PPP1R21: variants seen among roughly 807,000 people sequenced by gnomAD.
The protein encoded by PPP1R21 is protein phosphatase 1 regulatory subunit 21.
Under a neutral mutation model 112.8 loss-of-function variants are expected in PPP1R21, and 85 were observed. The observed-to-expected ratio is 0.75, with a 90% CI of 0.63 to 0.90. PPP1R21 has a LOEUF of 0.90. PPP1R21 is among the 40% of genes least tolerant of loss of function. The pLI is 0.00. For missense variants in PPP1R21, 1,199 were observed against 901.5 expected, an observed-to-expected ratio of 1.33 and a Z score of -4.23; for synonymous variants, 381 against 322.3, an observed-to-expected ratio of 1.18 and a Z score of -1.95.
intron 9 of PPP1R21, among the ~76,000 whole-genome samples, chr2:48,469,074 C>T (rs548418118): frequency 2.0e-5 from 3 of 151,458 alleles, no homozygotes; most frequent in African/African-American, 7.3e-5. Context: ...AAAGTGGAAA[C>T]CCCTGATAAA....
intron 15 of PPP1R21, among the ~76,000 whole-genome samples, chr2:48,494,371 C>A (rs537140734): frequency 6.6e-6 from 1 of 151,134 alleles, no homozygotes; most frequent in Non-Finnish European, 1.5e-5. Context: ...CTTACATTAG[C>A]CTACACTTGG....
At chr2:48,468,687 T>C (rs1668314183) in intron 9 of PPP1R21, among the ~76,000 whole-genome samples, 2 of 151,966 alleles carry the variant, frequency 1.3e-5, no homozygotes, top group Non-Finnish European at 2.9e-5. Context: ...TGGTGGCTTG[T>C]ACCTGTAGTC....
At chr2:48,445,787 G>T (rs1419458559) in intron 1 of PPP1R21, among the ~76,000 whole-genome samples, 1 of 151,942 alleles carries the variant, frequency 6.6e-6, no homozygotes. Flanking sequence ...AGTAACCCTA[G>T]CTACTGCTGC....
chr2:48,465,768 GT>G, intron 9 of PPP1R21, 126 bp downstream of exon 9: 2 of 697,188 alleles, frequency 2.9e-6, no homozygotes, highest in Non-Finnish European at 4.4e-6. Flanking sequence ...AAAAAGCATA[GT>G]TTTTACTCTC....
At chr2:48,443,873 G>T (rs967548020) in intron 1 of PPP1R21, among the ~76,000 whole-genome samples, 3 of 152,094 alleles carry the variant, frequency 2.0e-5, no homozygotes, top group Non-Finnish European at 2.9e-5. Flanking sequence ...AGGATACAAA[G>T]GAAAAAGGTG....
intron 13 of PPP1R21, among the ~76,000 whole-genome samples, chr2:48,480,791 G>A (rs898131041): frequency 6.6e-6 from 1 of 152,150 alleles, no homozygotes; most frequent in African/African-American, 2.4e-5. Context: ...TTAACAATTA[G>A]TGACCAATTA....
intron 1 of PPP1R21, among the ~76,000 whole-genome samples, chr2:48,443,157 T>G (rs1354274959): frequency 6.6e-6 from 1 of 152,160 alleles, no homozygotes; most frequent in East Asian, 1.9e-4. Flanking sequence ...TAACCAAACA[T>G]ACAAGGCACT....
In PPP1R21 at chr2:48,505,200, A is replaced by T. The variant is rs539843771; in HGVS notation, c.1936-364A>T. On this transcript the variant is annotated intron_variant, in intron 17 of 21. Coordinates refer to ENST00000294952, the MANE Select transcript of PPP1R21 (RefSeq NM_001135629.3). ...AATGTTTAATTATTATGGTCACCGT[A>T]AAAACGTCTTTACCCCTTCTTGGCT... Among the ~76,000 whole-genome samples, 3 of 152,246 alleles carry T rather than the reference A, an allele frequency of 2.0e-5. No individual in the cohort carries two copies. The South Asian group carries it at 6.2e-4, about 31-fold the overall frequency.
intron 1 of PPP1R21, among the ~76,000 whole-genome samples, chr2:48,448,929 A>G (rs531703274): frequency 1.3e-5 from 2 of 152,262 alleles, no homozygotes; most frequent in Non-Finnish European, 2.9e-5. Context: ...ATGAATGAGT[A>G]TGGCTATGTT....
At chr2:48,479,822 AT>A in intron 12 of PPP1R21, 101 bp from the exon 13 acceptor site, 1 of 784,214 alleles carries the variant, frequency 1.3e-6, no homozygotes, top group Non-Finnish European at 2.3e-6. Flanking sequence ...TTTCTAGCAC[AT>A]TACAACCAAT....
chr2:48,477,667 CT>C (rs545161997), intron 12 of PPP1R21, among the ~76,000 whole-genome samples: 2,504 of 139,672 alleles, frequency 0.018, 53 homozygotes, highest in African/African-American at 0.058. Flanking sequence ...AGCCCTCCTA[CT>C]TTTTTTTTTT....
At chr2:48,482,690 C>G (rs1242068453) in intron 13 of PPP1R21, among the ~76,000 whole-genome samples, 1 of 143,250 alleles carries the variant, frequency 7.0e-6, no homozygotes, top group Non-Finnish European at 1.5e-5. Flanking sequence ...TCTAAAGTGA[C>G]TATAGTCTGT....
intron 19 of PPP1R21, among the ~76,000 whole-genome samples, 184 bp downstream of exon 19, chr2:48,507,569 G>C (rs1188315645): frequency 6.6e-6 from 1 of 151,834 alleles, no homozygotes; most frequent in African/African-American, 2.4e-5. Flanking sequence ...GGGTTTCACC[G>C]TGTTAGCCAG....
chr2:48,474,682 G>A lies in PPP1R21; in HGVS notation c.1089-1G>A. The A allele has an allele frequency of 6.2e-7, 1 of 1,602,588 alleles. No homozygotes were observed. Among genetic ancestry groups the A allele is most frequent in the South Asian group, 1.1e-5 (1 of 88,772 alleles). ...CTTCTTAAAAATCTGCCTATTCCTA[G>A]TTTAGAAGAAGAATGTGAATCCTCT... is the stretch of plus-strand genomic sequence containing the variant. On this transcript the variant is annotated splice_acceptor_variant, in intron 11 of 21. Transcript: ENST00000294952. LOFTEE classifies it high-confidence loss of function.
chr2:48,470,977 C>T (rs1668471971), intron 9 of PPP1R21, 110 bp from the exon 10 acceptor site: 1 of 725,404 alleles, frequency 1.4e-6, no homozygotes, highest in South Asian at 1.9e-5. Flanking sequence ...TGCAGTGAGC[C>T]ATTATCAGGT....
At chr2:48,459,627 T>C in intron 4 of PPP1R21, 127 bp from the exon 5 acceptor site, 4 of 944,280 alleles carry the variant, frequency 4.2e-6, no homozygotes, top group Non-Finnish European at 6.2e-6. Context: ...ATAATGCCTG[T>C]GTGGGTTTAA....
rs193203214 is a variant in PPP1R21, at chr2:48,480,035, C to A, written c.1318+19C>A. ...ATGAAAGGTAGGCCTTGAAAAAGAA[C>A]GTAAGCTTAAAACCTTTGCCCCACT... On this transcript the variant is annotated intron_variant, in intron 13 of 21. Transcript: ENST00000294952. The A allele has an allele frequency of 1.3e-6, 2 of 1,532,460 alleles. No homozygotes were observed. Among genetic ancestry groups the A allele is most frequent in the Non-Finnish European group, 1.8e-6 (2 of 1,105,478 alleles). 94.9% of individuals were successfully genotyped at this position (1,532,460 alleles called of 1,614,324 possible). A position where few individuals can be genotyped will look rare whatever the true frequency, so the allele number is the denominator to read the frequency against.
chr2:48,502,483 A>G (rs1419861663), intron 17 of PPP1R21, among the ~76,000 whole-genome samples: 2 of 151,968 alleles, frequency 1.3e-5, no homozygotes, highest in East Asian at 3.9e-4. Flanking sequence ...AAGTGACCTT[A>G]AGGGAACTAA....
At chr2:48,459,640 T>C in intron 4 of PPP1R21, 114 bp from the exon 5 acceptor site, 1 of 1,135,920 alleles carries the variant, frequency 8.8e-7, no homozygotes, top group African/African-American at 1.6e-5. Flanking sequence ...GGGTTTAACA[T>C]AGTCAGCATA....
Sources: gnomAD v4.1 joint callset for allele counts (sites outside exome capture counted in the v4.1 genomes callset) on GRCh38, gnomAD v4.1.1 for gene constraint, MANE v1.5 for transcripts, NCBI Gene and HGNC (gene_info 2026-07-23, HGNC 2026-07-21) for gene names.